The following DNAH3 variants were observed in gnomAD, a reference collection of about 807,000 sequenced individuals.
DNAH3 encodes the protein axonemal beta dynein heavy chain 3.
DNAH3 carries 332 observed loss-of-function variants against 432.5 expected under a neutral mutation model. That is an observed-to-expected ratio of 0.77 (90% confidence interval 0.70 to 0.84). The LOEUF is 0.84. Among genes scored for constraint, DNAH3 ranks in the 40% least tolerant of loss-of-function variants. The pLI is 0.00. For missense variants in DNAH3, 4,861 were observed against 5,114.0 expected (o/e 0.95, Z 1.51); for synonymous variants, 1,956 against 1,900.2 (o/e 1.03, Z -0.76).
intron 18 of DNAH3, among the ~76,000 whole-genome samples, chr16:21,091,367 A>T (rs182389447): frequency 1.9e-4 from 29 of 150,108 alleles, no homozygotes; most frequent in Admixed American, 1.7e-3. Flanking sequence ...ATAAGTAAAA[A>T]TTGGAAAAAA....
In DNAH3 at chr16:21,058,209, A is replaced by T; in HGVS notation, c.3814-13T>A. ...GATTTCGAGGGACCTGGAAAAGCACAGTGGGCATGTTATAGGATCAGTTCA... is the reference window on the plus strand; with the variant it reads ...GATTTCGAGGGACCTGGAAAAGCACTGTGGGCATGTTATAGGATCAGTTCA... On this transcript the variant is annotated splice_polypyrimidine_tract_variant and intron_variant, in intron 26 of 61. Transcript: ENST00000261383. The T allele has an allele frequency of 6.6e-7, 1 of 1,511,652 alleles. No individual in the cohort carries two copies. The highest frequency in any genetic ancestry group is 9.2e-7 in the Non-Finnish European group (1 of 1,086,626). 93.6% of individuals were successfully genotyped at this position (1,511,652 alleles called of 1,614,324 possible).
At chr16:21,040,113 GCCAATGCATGGCTCAA>G (rs1242902079) in intron 32 of DNAH3, among the ~76,000 whole-genome samples, 170 bp from the exon 33 acceptor site, 1 of 152,080 alleles carries the variant, frequency 6.6e-6, no homozygotes. Context: ...TCCTCGGTGG[GCCAATGCATGGCTCAA>G]CCAACCTCCC....
In DNAH3 at chr16:21,154,951, C is replaced by CTT. The variant is rs772054168; in HGVS notation, c.117+4372_117+4373dup. ...TTCTCAATCTTCTTTTTCTTTCTTT[C>CTT]TTTTTTTTTTTTTTTTGAGATGGAA... is the stretch of plus-strand genomic sequence containing the variant. On this transcript the variant is annotated intron_variant, in intron 1 of 61. Coordinates refer to ENST00000261383, the Ensembl canonical transcript of DNAH3. Among the ~76,000 whole-genome samples the CTT allele has an allele frequency of 4.1e-3, 548 of 134,652 alleles. 3 individuals carry two copies. The highest frequency in any genetic ancestry group is 5.9e-3 in the Non-Finnish European group (371 of 62,882). 88.3% of individuals were successfully genotyped at this position (134,652 alleles called of 152,430 possible). A position where few individuals can be genotyped will look rare whatever the true frequency, so the allele number is the denominator to read the frequency against.
intron 60 of DNAH3, among the ~76,000 whole-genome samples, chr16:20,935,814 G>A (rs957288387): frequency 8.1e-5 from 12 of 148,728 alleles, no homozygotes; most frequent in Non-Finnish European, 1.6e-4. Context: ...TTGCACTCCA[G>A]CCTGAGTGAC....
chr16:21,122,283 C>T (rs185206985), intron 9 of DNAH3, among the ~76,000 whole-genome samples, 159 bp from the exon 11 acceptor site: 29 of 152,150 alleles, frequency 1.9e-4, no homozygotes, highest in Middle Eastern at 3.4e-3. Context: ...GGCTGGGCAC[C>T]GTGGCTCACA....
intron 9 of DNAH3, among the ~76,000 whole-genome samples, chr16:21,124,546 AAAAAATT>A (rs1289650809): frequency 6.6e-6 from 1 of 152,246 alleles, no homozygotes; most frequent in Non-Finnish European, 1.5e-5. Context: ...TTTAAAAATT[AAAAAATT>A]GATACTGATT....
intron 43 of DNAH3, among the ~76,000 whole-genome samples, chr16:20,999,541 C>G (rs1185798407): frequency 6.6e-6 from 1 of 152,128 alleles, no homozygotes; most frequent in Non-Finnish European, 1.5e-5. Flanking sequence ...CGCTACGTGT[C>G]AACAGCAAGA....
In DNAH3 at chr16:20,943,323, C is replaced by T. The variant is rs190837631; in HGVS notation, c.11511+1173G>A. Among the ~76,000 whole-genome samples, 14 of 152,146 alleles carry T rather than the reference C, an allele frequency of 9.2e-5. No homozygotes were observed. In the East Asian group the frequency reaches 2.1e-3, roughly 23 times the overall value. ...CAACTCCTTGGCTCAAGCAATCCAC[C>T]CACCTTGGCCTCCCAAAGTGCTAGG... On this transcript the variant is annotated intron_variant, in intron 58 of 61. Coordinates refer to ENST00000261383, the Ensembl canonical transcript of DNAH3.
At chr16:20,939,897 G>T (rs536156142) in intron 59 of DNAH3, among the ~76,000 whole-genome samples, 2 of 152,298 alleles carry the variant, frequency 1.3e-5, no homozygotes, top group East Asian at 3.9e-4. Context: ...GGCCTAGATG[G>T]TCTTTGATAA....
At chr16:21,080,073 G>A (rs2091127020) in intron 20 of DNAH3, among the ~76,000 whole-genome samples, 1 of 152,202 alleles carries the variant, frequency 6.6e-6, no homozygotes, top group Non-Finnish European at 1.5e-5. Flanking sequence ...GAGGTGGGCA[G>A]ATCACCTGAG....
chr16:21,052,704 C>T (rs1168560936), intron 28 of DNAH3, among the ~76,000 whole-genome samples: 1 of 152,178 alleles, frequency 6.6e-6, no homozygotes, highest in Non-Finnish European at 1.5e-5. Flanking sequence ...CAGGTATTAG[C>T]TATTGTTATC....
rs528008308 is a variant in DNAH3 at position 21,159,425 on chromosome 16, C to A, written c.17G>T (p.Arg6Leu). The A allele has an allele frequency of 1.4e-5, 22 of 1,613,964 alleles. No individual in the cohort carries two copies. In the South Asian group the frequency reaches 2.2e-4, roughly 16 times the overall value. Reference sequence around the variant, plus strand: ...AGGGGCGGCCAGTGTGAGCTCGAGGCGCCCTGTAGCTCCCATCCCCCAACC... The same window carrying A: ...AGGGGCGGCCAGTGTGAGCTCGAGGAGCCCTGTAGCTCCCATCCCCCAACC... Residue 6 changes from arginine to leucine, a missense_variant, in exon 1 of 62, where the codon CGC becomes CTC. By Grantham distance (102) the Arg-to-Leu change is moderately radical (BLOSUM62 -2). Coordinates refer to ENST00000261383, the Ensembl canonical transcript of DNAH3.
chr16:20,990,364 TATAG>T (rs779251658), intron 44 of DNAH3, among the ~76,000 whole-genome samples: 78 of 152,362 alleles, frequency 5.1e-4, no homozygotes, highest in Non-Finnish European at 9.1e-4. Flanking sequence ...TATTTATTTA[TATAG>T]ATATATACCA....
intron 50 of DNAH3, 54 bp from the exon 51 acceptor site, chr16:20,975,469 T>C (rs1290353213): frequency 3.3e-6 from 5 of 1,530,744 alleles, no homozygotes; most frequent in South Asian, 1.2e-5. Context: ...AATGGCAAAG[T>C]AGACAAGAAT....
At chr16:21,051,299 G>A (rs765948010) in intron 29 of DNAH3, among the ~76,000 whole-genome samples, 1 of 152,122 alleles carries the variant, frequency 6.6e-6, no homozygotes, top group Non-Finnish European at 1.5e-5. Context: ...GGCTGGCAGA[G>A]CATAGAGACC....
intron 18 of DNAH3, among the ~76,000 whole-genome samples, chr16:21,092,003 T>C (rs894907546): frequency 6.6e-6 from 1 of 152,094 alleles, no homozygotes; most frequent in Admixed American, 6.5e-5. Context: ...TAATCATGGA[T>C]AGGAAGACTC....
chr16:21,085,024 C>T (rs142543566), intron 19 of DNAH3, among the ~76,000 whole-genome samples: 190 of 151,254 alleles, frequency 1.3e-3, no homozygotes, highest in Non-Finnish European at 2.4e-3. Flanking sequence ...GAGAGGCACC[C>T]CGTGAGCACC....
At chr16:20,962,888 G>T (rs2084888263) in intron 53 of DNAH3, among the ~76,000 whole-genome samples, 1 of 152,048 alleles carries the variant, frequency 6.6e-6, no homozygotes, top group South Asian at 2.1e-4. Context: ...CAAACTCCTG[G>T]GCTCAAGCAA....
At chr16:21,109,281 T>C (rs2092016845) in intron 14 of DNAH3, among the ~76,000 whole-genome samples, 1 of 151,796 alleles carries the variant, frequency 6.6e-6, no homozygotes, top group Non-Finnish European at 1.5e-5. Flanking sequence ...TCAAAATGGG[T>C]TAATTCCCAG....
Sources: gnomAD v4.1 joint callset for allele counts (sites outside exome capture counted in the v4.1 genomes callset) on GRCh38, gnomAD v4.1.1 for gene constraint, MANE v1.5 for transcripts, NCBI Gene and HGNC (gene_info 2026-07-23, HGNC 2026-07-21) for gene names.